CD44: variants seen among roughly 807,000 people sequenced by gnomAD.
CD44 encodes CD44 molecule (IN blood group).
In CD44, 49 loss-of-function variants were observed where a neutral mutation model predicts 88.8. That is an observed-to-expected ratio of 0.55 (90% confidence interval 0.44 to 0.70). The LOEUF is 0.70. Ranked by LOEUF, CD44 falls within the 30% of genes least tolerant of loss-of-function variation. The pLI, the probability that CD44 is intolerant of heterozygous loss-of-function variation, is 0.00. For missense variants in CD44, 883 were observed against 913.8 expected, an observed-to-expected ratio of 0.97 and a Z score of 0.43; for synonymous variants, 325 against 312.3, an observed-to-expected ratio of 1.04 and a Z score of -0.43.
At chr11:35,172,536 A>T (rs1185224172) in intron 1 of CD44, among the ~76,000 whole-genome samples, 2 of 152,104 alleles carry the variant, frequency 1.3e-5, no homozygotes, top group Admixed American at 1.3e-4. Flanking sequence ...TTTTCTCCCA[A>T]ATTGATGTGG....
intron 15 of CD44, among the ~76,000 whole-genome samples, chr11:35,217,306 T>A (rs1948914246): frequency 1.3e-5 from 2 of 148,976 alleles, no homozygotes; most frequent in South Asian, 2.1e-4. Flanking sequence ...GTGATTATGA[T>A]CCGTTAATGG....
chr11:35,222,598 A>AAT (rs55982807), intron 17 of CD44: 52,023 of 536,054 alleles, frequency 0.097, 1,506 homozygotes, highest in African/African-American at 0.17. Context: ...TTTTATATAT[A>AAT]ATATATATAT....
chr11:35,208,207 G>T lies in CD44; in HGVS notation c.1516+1G>T, dbSNP rs141953333. 63 of 1,596,128 alleles carry T rather than the reference G, an allele frequency of 3.9e-5. No homozygotes were observed. Among genetic ancestry groups the T allele is most frequent in the Non-Finnish European group, 5.2e-5 (61 of 1,163,838 alleles). ...ACAGGACCTCTTTCAATGACAACGC[G>T]TAAGAATAACGATGCTCAGCCACTT... On this transcript the variant is annotated splice_donor_variant, in intron 12 of 17. Transcript: ENST00000428726. LOFTEE classifies it high-confidence loss of function.
At chr11:35,177,928 A>G (rs1944628403) in intron 2 of CD44, among the ~76,000 whole-genome samples, 1 of 152,264 alleles carries the variant, frequency 6.6e-6, no homozygotes, top group Admixed American at 6.5e-5. Context: ...GACCCAGGTT[A>G]GAGAACATTT....
At chr11:35,144,774 A>G (rs765982391) in intron 1 of CD44, among the ~76,000 whole-genome samples, 1 of 152,186 alleles carries the variant, frequency 6.6e-6, no homozygotes, top group Non-Finnish European at 1.5e-5. Flanking sequence ...ATGTTTATAT[A>G]TTTTTCCACA....
At chr11:35,194,999 C>A (rs545429233) in intron 5 of CD44, among the ~76,000 whole-genome samples, 1 of 152,238 alleles carries the variant, frequency 6.6e-6, no homozygotes, top group East Asian at 1.9e-4. Context: ...GGCCCTGAAC[C>A]CTTCTTTGGA....
chr11:35,180,326 A>G lies in CD44; in HGVS notation c.286A>G (p.Ile96Val), dbSNP rs111509467. 82 of 1,613,960 alleles carry G rather than the reference A, an allele frequency of 5.1e-5. No individual in the cohort carries two copies. The highest frequency in any genetic ancestry group is 6.4e-5 in the Non-Finnish European group (75 of 1,179,972). ...VVIPRIHPNSICAANNTGVYI... is the reference protein window; with the variant it reads ...VVIPRIHPNSVCAANNTGVYI... The stretch of plus-strand genomic sequence containing the variant: ...GATTCCCCGGATCCACCCCAACTCC[A>G]TCTGTGCAGCAAACAACACAGGGGT... The change falls in exon 3 of 18, where the codon ATC (isoleucine) becomes GTC (valine). Residue 96 changes from isoleucine to valine, a missense_variant. Around this residue, in one of 2 missense-constraint regions of CD44, gnomAD observed 252 missense variants for 322.9 expected, o/e 0.78. Transcript: ENST00000428726.
At chr11:35,205,329 C>A (rs1947723922) in intron 10 of CD44, among the ~76,000 whole-genome samples, 1 of 152,130 alleles carries the variant, frequency 6.6e-6, no homozygotes, top group Non-Finnish European at 1.5e-5. Flanking sequence ...AATGTGAATT[C>A]CATATTCTCA....
rs1161225570 is a variant in CD44 at position 35,229,094 on chromosome 11, A to G, written c.2025-35A>G. ...ATGATCTGATGCCTGAGTCACTGCA[A>G]TCTTTCTGATATGGTACATTTTTTA... is the stretch of plus-strand genomic sequence containing the variant. On this transcript the variant is annotated intron_variant, in intron 17 of 17. Coordinates refer to ENST00000428726, the MANE Select transcript of CD44 (RefSeq NM_000610.4). 5 of 1,548,414 alleles carry G rather than the reference A, an allele frequency of 3.2e-6. No individual in the cohort carries two copies. The African/African-American group carries it at 4.1e-5, about 13-fold the overall frequency.
At chr11:35,224,512 G>A (rs1036934907) in intron 17 of CD44, among the ~76,000 whole-genome samples, 3 of 152,154 alleles carry the variant, frequency 2.0e-5, no homozygotes, top group East Asian at 1.9e-4. Context: ...CCGAGGCAGT[G>A]GATTAGTTGA....
chr11:35,168,569 T>C (rs1414945170), intron 1 of CD44, among the ~76,000 whole-genome samples: 1 of 152,228 alleles, frequency 6.6e-6, no homozygotes, highest in African/African-American at 2.4e-5. Context: ...ACTGGCTTTA[T>C]TCTCATCTTC....
At chr11:35,216,779 C>A (rs1382845694) in intron 15 of CD44, among the ~76,000 whole-genome samples, 1 of 152,166 alleles carries the variant, frequency 6.6e-6, no homozygotes, top group East Asian at 1.9e-4. Flanking sequence ...AAGTATGATT[C>A]TTTAACCATC....
chr11:35,181,981 T>A (rs1565081584), intron 3 of CD44, among the ~76,000 whole-genome samples: 8 of 112,082 alleles, frequency 7.1e-5, no homozygotes, highest in Admixed American at 1.3e-4. Flanking sequence ...ATATTATATA[T>A]TATATATAAA....
At chr11:35,177,854 C>T (rs1944622059) in intron 2 of CD44, among the ~76,000 whole-genome samples, 1 of 152,232 alleles carries the variant, frequency 6.6e-6, no homozygotes. Context: ...TAGTTCTTCA[C>T]TAGCACTAAC....
intron 9 of CD44, 91 bp from the exon 10 acceptor site, chr11:35,204,421 G>A (rs1410929250): frequency 1.6e-6 from 2 of 1,244,724 alleles, no homozygotes; most frequent in Non-Finnish European, 2.3e-6. Flanking sequence ...CCCTCCCCAT[G>A]TGTATCTGCC....
intron 4 of CD44, among the ~76,000 whole-genome samples, chr11:35,189,236 T>C (rs1946027876): frequency 6.6e-6 from 1 of 152,202 alleles, no homozygotes; most frequent in Non-Finnish European, 1.5e-5. Flanking sequence ...TGCTCTTCTG[T>C]ATTTAGACCT....
At chr11:35,214,308 T>A (rs1169866509) in intron 14 of CD44, among the ~76,000 whole-genome samples, 1 of 152,216 alleles carries the variant, frequency 6.6e-6, no homozygotes, top group African/African-American at 2.4e-5. Flanking sequence ...TTTTTGAAAA[T>A]AAGTAGTTGA....
intron 15 of CD44, among the ~76,000 whole-genome samples, chr11:35,217,410 G>A (rs554977498): frequency 3.3e-5 from 5 of 151,624 alleles, no homozygotes; most frequent in Admixed American, 6.6e-5. Flanking sequence ...GAGTTTTCAC[G>A]GCCAAAGATC....
At chr11:35,186,514 C>T (rs896859328) in intron 3 of CD44, among the ~76,000 whole-genome samples, 11 of 151,162 alleles carry the variant, frequency 7.3e-5, no homozygotes, top group Non-Finnish European at 1.3e-4. Context: ...GAGAAGGAGC[C>T]GTGTCTATCT....
Sources: allele counts gnomAD v4.1 joint callset (sites outside exome capture counted in the v4.1 genomes callset), GRCh38; gene constraint gnomAD v4.1.1; regional missense constraint gnomAD v4.1.1; transcripts MANE v1.5; gene names NCBI Gene and HGNC (gene_info 2026-07-23, HGNC 2026-07-21).